The following SMIM35 variants were observed in gnomAD, a reference collection of about 807,000 sequenced individuals.
SMIM35 encodes small integral membrane protein 35.
chr11:118,077,885 T>C (rs1591320212), intron 1 of SMIM35, among the ~76,000 whole-genome samples: 4 of 151,596 alleles, frequency 2.6e-5, no homozygotes, highest in East Asian at 1.9e-4. Flanking sequence ...TGGTGGCAGG[T>C]GCCTGTAATC....
At chr11:118,041,300 C>T (rs1270360682) in intron 1 of SMIM35, among the ~76,000 whole-genome samples, 3 of 152,172 alleles carry the variant, frequency 2.0e-5, no homozygotes, top group South Asian at 2.1e-4. Context: ...AACAACACTA[C>T]GGACCAACTA....
intron 1 of SMIM35, among the ~76,000 whole-genome samples, chr11:118,060,811 G>A (rs762831346): frequency 2.6e-5 from 4 of 152,192 alleles, no homozygotes; most frequent in Admixed American, 6.5e-5. Flanking sequence ...AGCCAGACAT[G>A]GGTACTCCCA....
At chr11:118,056,369 G>A (rs1944309544) in intron 1 of SMIM35, among the ~76,000 whole-genome samples, 1 of 152,178 alleles carries the variant, frequency 6.6e-6, no homozygotes, top group African/African-American at 2.4e-5. Context: ...ATTGGAGGTA[G>A]TAAGTTAGGG....
chr11:118,048,172 T>C (rs1490838473), intron 1 of SMIM35, among the ~76,000 whole-genome samples: 1 of 152,212 alleles, frequency 6.6e-6, no homozygotes. Context: ...TTGTGGATTT[T>C]ATGTCTTAGA....
At chr11:118,026,085 C>A (rs1229688863) in intron 1 of SMIM35, among the ~76,000 whole-genome samples, 1 of 152,168 alleles carries the variant, frequency 6.6e-6, no homozygotes, top group South Asian at 2.1e-4. Context: ...TAGCCTTTGT[C>A]AAAGATCCAA....
chr11:118,010,260 G>C (rs77174180), intron 4 of SMIM35, among the ~76,000 whole-genome samples: 2,185 of 152,302 alleles, frequency 0.014, 47 homozygotes, highest in African/African-American at 0.049. Flanking sequence ...GAAGCAGAGA[G>C]AGGGGCACCA....
intron 1 of SMIM35, among the ~76,000 whole-genome samples, chr11:118,063,089 A>G (rs998015246): frequency 6.6e-6 from 1 of 152,376 alleles, no homozygotes; most frequent in South Asian, 2.1e-4. Flanking sequence ...AAGAAGAGGC[A>G]TGAATAATCC....
intron 1 of SMIM35, among the ~76,000 whole-genome samples, chr11:118,068,918 A>T (rs942586780): frequency 1.3e-5 from 2 of 152,164 alleles, no homozygotes. Flanking sequence ...TTATCAATAC[A>T]TTATCATCCG....
At chr11:118,017,986 C>G (rs2058197413) in intron 1 of SMIM35, among the ~76,000 whole-genome samples, 1 of 152,166 alleles carries the variant, frequency 6.6e-6, no homozygotes, top group Non-Finnish European at 1.5e-5. Flanking sequence ...ATTATGGGAA[C>G]TACAATTCAA....
Position 118,058,735 on chromosome 11 carries a change from C to T in SMIM35, c.7+28016G>A, listed in dbSNP as rs190090879. On this transcript the variant is annotated intron_variant, in intron 1 of 4. Transcript: ENST00000689828. ...CGCAGAGCACGTCCTGCCTCCAGGC[C>T]AAACTGCTCTGGGAGATGACCAAGA... 2.6e-5 allele frequency among the ~76,000 whole-genome samples: 4 copies of T among 152,220 alleles called. No individual in the cohort carries two copies. In the East Asian group the frequency reaches 5.8e-4, roughly 22 times the overall value.
chr11:118,037,105 TC>T (rs150598905), intron 1 of SMIM35, among the ~76,000 whole-genome samples: 34,854 of 152,018 alleles, frequency 0.23, 4,671 homozygotes, highest in Non-Finnish European at 0.31. Context: ...TGTCTCTCAG[TC>T]CCCCCTCTCA....
At chr11:118,022,475 T>A (rs2058238905) in intron 1 of SMIM35, among the ~76,000 whole-genome samples, 1 of 152,216 alleles carries the variant, frequency 6.6e-6, no homozygotes, top group African/African-American at 2.4e-5. Flanking sequence ...AACATCCCAA[T>A]ATTTGGAAAT....
At chr11:118,045,857 C>T (rs575082497) in intron 1 of SMIM35, among the ~76,000 whole-genome samples, 8 of 152,222 alleles carry the variant, frequency 5.3e-5, no homozygotes, top group Admixed American at 2.0e-4. Flanking sequence ...TGTGTGATGA[C>T]GGAAAAAGAC....
chr11:118,086,869 G>C lies in SMIM35; in HGVS notation c.-112C>G, dbSNP rs553865601. The C allele has an allele frequency of 1.3e-5, 2 of 153,004 alleles. No homozygotes were observed. The highest frequency in any genetic ancestry group is 4.1e-4 in the South Asian group (2 of 4,824). The allele number at this position is 153,004 out of a possible 1,614,324, so 9.5% of individuals were successfully genotyped here. A position where few individuals can be genotyped will look rare whatever the true frequency, so the allele number is the denominator to read the frequency against. On this transcript the variant is annotated 5_prime_UTR_variant, in exon 1 of 5. Coordinates refer to ENST00000689828, the MANE Select transcript of SMIM35 (RefSeq NM_001394165.1). Reference sequence around the variant, plus strand: ...AGCTGCTTGCCGTTGGTTTTGGGGAGGGATGCAGGTTCTGGGGTCAGAGAG... The same window carrying C: ...AGCTGCTTGCCGTTGGTTTTGGGGACGGATGCAGGTTCTGGGGTCAGAGAG...
At position 118,029,868 on chromosome 11, in the gene SMIM35, A is replaced by G. The variant is rs140543475; in HGVS notation, c.8-14059T>C. The G allele has an allele frequency of 1.5e-3, 666 of 448,878 alleles. 3 individuals carry two copies. Among genetic ancestry groups the G allele is most frequent in the African/African-American group, 0.012 (596 of 49,680 alleles). 27.8% of individuals were successfully genotyped at this position (448,878 alleles called of 1,614,324 possible). Reference sequence around the variant, plus strand: ...GCTAGCATCTGCCTCCTGCATTGCTACCTCCACATCACCAAGTGTTCTTTA... The same window carrying G: ...GCTAGCATCTGCCTCCTGCATTGCTGCCTCCACATCACCAAGTGTTCTTTA... On this transcript the variant is annotated intron_variant, in intron 1 of 4. Coordinates refer to ENST00000689828, the MANE Select transcript of SMIM35 (RefSeq NM_001394165.1).
intron 1 of SMIM35, among the ~76,000 whole-genome samples, chr11:118,020,843 C>G (rs2058222361): frequency 6.6e-6 from 1 of 152,162 alleles, no homozygotes; most frequent in Non-Finnish European, 1.5e-5. Flanking sequence ...TTGGTTAGAA[C>G]TTCCAGTATA....
chr11:118,022,962 G>T (rs528436171), intron 1 of SMIM35, among the ~76,000 whole-genome samples: 1 of 150,694 alleles, frequency 6.6e-6, no homozygotes, highest in African/African-American at 2.4e-5. Flanking sequence ...TTTATGATTT[G>T]TCTACTGCTC....
At chr11:118,029,277 C>T (rs1050996066) in intron 1 of SMIM35, among the ~76,000 whole-genome samples, 12 of 152,126 alleles carry the variant, frequency 7.9e-5, no homozygotes, top group African/African-American at 2.4e-4. Context: ...GCCTGGCCAA[C>T]GAAACGCCGT....
Position 118,073,727 on chromosome 11 carries a change from C to T in SMIM35, c.7+13024G>A, listed in dbSNP as rs376971625. Among the ~76,000 whole-genome samples the T allele has an allele frequency of 5.3e-5, 8 of 152,324 alleles. No individual in the cohort carries two copies. In the East Asian group the frequency reaches 1.3e-3, roughly 26 times the overall value. ...CTCTGTGCTGTGCAAGGCGGGAGGG[C>T]TGTGGCAATAGGCCTTGGACCTCCC... On this transcript the variant is annotated intron_variant, in intron 1 of 4. Transcript: ENST00000689828.
Sources: allele counts gnomAD v4.1 joint callset (sites outside exome capture counted in the v4.1 genomes callset), GRCh38; gene constraint gnomAD v4.1.1; transcripts MANE v1.5; gene names NCBI Gene and HGNC (gene_info 2026-07-23, HGNC 2026-07-21).